Variants in RC3H2 observed in about 807,000 individuals in gnomAD.
The protein encoded by RC3H2 is roquin-2.
A neutral mutation model predicts 133.3 loss-of-function variants in RC3H2; 31 were observed. The ratio of observed to expected loss-of-function variants is 0.23; its 90% CI spans 0.17 to 0.31. The LOEUF (loss-of-function observed/expected upper bound fraction) is 0.31, where lower values mean the gene tolerates loss of function less well. Ranked by LOEUF, RC3H2 falls within the 10% of genes least tolerant of loss-of-function variation. RC3H2 has a pLI of 1.00. For synonymous variants in RC3H2, 517 were observed against 502.2 expected, an observed-to-expected ratio of 1.03 and a Z score of -0.40; for missense variants, 1,175 against 1,437.2, an observed-to-expected ratio of 0.82 and a Z score of 2.95.
chr9:122,867,875 C>T (rs1376398142), intron 9 of RC3H2, among the ~76,000 whole-genome samples: 6 of 70,922 alleles, frequency 8.5e-5, no homozygotes, highest in Admixed American at 1.3e-4. Context: ...CGGCAGCCAC[C>T]CCGTCCGGGA....
chr9:122,873,483 T>C (rs1831190744), intron 9 of RC3H2, among the ~76,000 whole-genome samples: 1 of 151,976 alleles, frequency 6.6e-6, no homozygotes, highest in East Asian at 1.9e-4. Flanking sequence ...GAGGCTGAGG[T>C]GGGCAGATTG....
rs1424852130 is a variant in RC3H2, at chr9:122,905,356, G to A, written c.-314C>T. ...CCTCACCACGGAGGCGGACCTGGAG[G>A]GATCCCGATCTAGCTCTCGCGAGAA... On this transcript the variant is annotated 5_prime_UTR_variant, in exon 1 of 21. Coordinates refer to ENST00000357244, the MANE Select transcript of RC3H2 (RefSeq NM_001100588.3). The A allele has an allele frequency of 5.4e-6, 5 of 931,788 alleles. No homozygotes were observed. Among genetic ancestry groups the A allele is most frequent in the Non-Finnish European group, 6.4e-6 (5 of 781,038 alleles). 57.7% of individuals were successfully genotyped at this position (931,788 alleles called of 1,614,324 possible).
intron 10 of RC3H2, 134 bp downstream of exon 10, chr9:122,865,215 G>C (rs1830593719): frequency 5.0e-6 from 4 of 803,286 alleles, no homozygotes; most frequent in Non-Finnish European, 7.6e-6. Flanking sequence ...TTAGTATTTA[G>C]TGTTTCTTCT....
chr9:122,896,832 G>C (rs1379082718), intron 2 of RC3H2, among the ~76,000 whole-genome samples: 1 of 151,848 alleles, frequency 6.6e-6, no homozygotes, highest in Non-Finnish European at 1.5e-5. Flanking sequence ...AGACCAGCCT[G>C]GCCAACATAG....
chr9:122,861,777 T>C (rs1436369536), intron 10 of RC3H2, among the ~76,000 whole-genome samples: 1 of 152,212 alleles, frequency 6.6e-6, no homozygotes, highest in African/African-American at 2.4e-5. Context: ...TTTAAGTTTA[T>C]CACAGATTAG....
chr9:122,900,322 C>G (rs2539927), intron 1 of RC3H2, among the ~76,000 whole-genome samples: 148,448 of 152,244 alleles, frequency 0.98, 72,496 homozygotes, highest in East Asian at 1. Flanking sequence ...AGTAAATTAT[C>G]AACTAAACTT....
At chr9:122,876,867 A>C (rs1831363200) in intron 9 of RC3H2, among the ~76,000 whole-genome samples, 1 of 152,188 alleles carries the variant, frequency 6.6e-6, no homozygotes, top group Admixed American at 6.5e-5. Context: ...AAAAGACCAA[A>C]AGCCGTAAAA....
intron 9 of RC3H2, among the ~76,000 whole-genome samples, chr9:122,869,558 CG>C (rs1464840945): frequency 8.6e-6 from 1 of 116,664 alleles, no homozygotes; most frequent in East Asian, 2.9e-4. Context: ...CCAGTTTACA[CG>C]ATTTTTTTTT....
Position 122,859,061 on chromosome 9 carries a change from G to T in RC3H2, c.1891C>A (p.Pro631Thr), listed in dbSNP as rs1314179104. ...PPPTVPAGVAPCVPRFVRSNN... is the reference protein window; with the variant it reads ...PPPTVPAGVATCVPRFVRSNN... The stretch of plus-strand genomic sequence containing the variant: ...GACCTCACAAAGCGAGGAACACAGG[G>T]AGCCACACCAGCTGGTACCGTTGGA... The change falls in exon 12 of 21, where the codon CCC becomes ACC. Residue 631 changes from proline to threonine, a missense_variant. Coordinates refer to ENST00000357244, the MANE Select transcript of RC3H2 (RefSeq NM_001100588.3). The T allele has an allele frequency of 1.2e-6, 2 of 1,605,286 alleles. No homozygotes were observed. Among genetic ancestry groups the T allele is most frequent in the East Asian group, 4.5e-5 (2 of 44,694 alleles).
chr9:122,867,136 C>T (rs537642821), intron 9 of RC3H2, among the ~76,000 whole-genome samples: 18 of 131,524 alleles, frequency 1.4e-4, no homozygotes, highest in African/African-American at 4.0e-4. Flanking sequence ...GCAACCGCCC[C>T]GTCTGAGAAG....
chr9:122,884,823 A>G (rs1831832042), intron 4 of RC3H2, among the ~76,000 whole-genome samples: 1 of 151,766 alleles, frequency 6.6e-6, no homozygotes, highest in Non-Finnish European at 1.5e-5. Flanking sequence ...ACTGCACTCC[A>G]GCCTGGCGAC....
intron 9 of RC3H2, among the ~76,000 whole-genome samples, chr9:122,865,921 C>T (rs1830628674): frequency 6.6e-6 from 1 of 151,690 alleles, no homozygotes; most frequent in Non-Finnish European, 1.5e-5. Context: ...CCCCTCATGC[C>T]ACTTTGTCCA....
chr9:122,880,367 C>T, intron 6 of RC3H2: 1 of 728,246 alleles, frequency 1.4e-6, no homozygotes, highest in Non-Finnish European at 2.4e-6. Flanking sequence ...AAATTTGAGA[C>T]TTTGTAAGCC....
intron 10 of RC3H2, among the ~76,000 whole-genome samples, chr9:122,860,860 T>C (rs551080276): frequency 6.6e-6 from 1 of 151,766 alleles, no homozygotes; most frequent in South Asian, 2.1e-4. Flanking sequence ...AAGAAAAGAG[T>C]TGTTTTCTAT....
chr9:122,883,479 T>C (rs1420965383), intron 4 of RC3H2, 100 bp from the exon 5 acceptor site: 1 of 754,462 alleles, frequency 1.3e-6, no homozygotes, highest in African/African-American at 1.8e-5. Context: ...TAGTGGCCCA[T>C]TACCCATAAT....
intron 1 of RC3H2, among the ~76,000 whole-genome samples, chr9:122,902,251 ATAAC>A (rs1832685880): frequency 6.6e-6 from 1 of 152,158 alleles, no homozygotes; most frequent in Admixed American, 6.5e-5. Context: ...TTTAACAAGT[ATAAC>A]TAATATTAGT....
At chr9:122,852,298 C>G (rs1830063007) in intron 18 of RC3H2, among the ~76,000 whole-genome samples, 1 of 150,800 alleles carries the variant, frequency 6.6e-6, no homozygotes, top group Admixed American at 6.6e-5. Context: ...CCTCTCCGCC[C>G]GGCAGCCGCC....
intron 18 of RC3H2, 109 bp from the exon 19 acceptor site, chr9:122,851,545 G>C (rs1292228122): frequency 2.1e-6 from 3 of 1,427,074 alleles, no homozygotes; most frequent in South Asian, 1.4e-5. Flanking sequence ...CTCTCATGCC[G>C]AGCCGAAGCT....
chr9:122,877,632 T>G (rs773158869), intron 8 of RC3H2, 49 bp from the exon 9 acceptor site: 19 of 1,403,128 alleles, frequency 1.4e-5, no homozygotes, highest in Non-Finnish European at 1.8e-5. Context: ...AAGATTCCAT[T>G]TGTTATTCAC....
Sources: allele counts gnomAD v4.1 joint callset (sites outside exome capture counted in the v4.1 genomes callset), GRCh38; gene constraint gnomAD v4.1.1; transcripts MANE v1.5; gene names NCBI Gene and HGNC (gene_info 2026-07-23, HGNC 2026-07-21).